ENTREP2: variants seen among roughly 807,000 people sequenced by gnomAD.
ENTREP2 encodes the protein protein ENTREP2.
the ENTREP2 span, among the ~76,000 whole-genome samples, chr15:29,554,243 G>A: frequency 1.3e-5 from 2 of 150,536 alleles, no homozygotes; most frequent in Non-Finnish European, 3.0e-5. Flanking sequence ...GAACCCAGGA[G>A]GCAGAAGGTT....
the ENTREP2 span, among the ~76,000 whole-genome samples, chr15:29,651,132 A>G: frequency 1.3e-5 from 2 of 152,212 alleles, no homozygotes; most frequent in African/African-American, 4.8e-5. Context: ...TACAGATTGT[A>G]ACCTTATGAA....
chr15:29,673,081 C>G, the ENTREP2 span, among the ~76,000 whole-genome samples: 1 of 152,048 alleles, frequency 6.6e-6, no homozygotes. Context: ...AACTTCTGGA[C>G]GTTGCCATGG....
At chr15:29,553,039 T>C in the ENTREP2 span, among the ~76,000 whole-genome samples, 1 of 152,242 alleles carries the variant, frequency 6.6e-6, no homozygotes, top group African/African-American at 2.4e-5. Flanking sequence ...CTCACGCCTG[T>C]AATCCCAACA....
the ENTREP2 span, among the ~76,000 whole-genome samples, chr15:29,397,733 G>C: frequency 6.6e-6 from 1 of 152,174 alleles, no homozygotes; most frequent in Non-Finnish European, 1.5e-5. Context: ...TCAAACAGCT[G>C]TAGGCAAAGT....
At chr15:29,542,935 A>G in the ENTREP2 span, among the ~76,000 whole-genome samples, 1 of 152,208 alleles carries the variant, frequency 6.6e-6, no homozygotes, top group Admixed American at 6.5e-5. Context: ...ATAGTATTCC[A>G]TGGTATGGAG....
At chr15:29,530,284 G>T in the ENTREP2 span, among the ~76,000 whole-genome samples, 1 of 152,122 alleles carries the variant, frequency 6.6e-6, no homozygotes, top group Non-Finnish European at 1.5e-5. Flanking sequence ...GAATCTGTGC[G>T]GGTGCTGGGT....
chr15:29,451,882 G>C, the ENTREP2 span, among the ~76,000 whole-genome samples: 2 of 152,232 alleles, frequency 1.3e-5, no homozygotes, highest in Non-Finnish European at 2.9e-5. Context: ...AGACCTCTGC[G>C]AAGAATCCTG....
At chr15:29,396,885 G>T in the ENTREP2 span, among the ~76,000 whole-genome samples, 2 of 152,148 alleles carry the variant, frequency 1.3e-5, no homozygotes, top group African/African-American at 4.8e-5. Context: ...TACAAGGAGT[G>T]ACATAGTAAC....
the ENTREP2 span, among the ~76,000 whole-genome samples, chr15:29,236,425 C>T: frequency 4.0e-5 from 6 of 151,810 alleles, no homozygotes; most frequent in East Asian, 1.9e-4. Flanking sequence ...ATGGGAGGAT[C>T]GCTGGATTCC....
the ENTREP2 span, among the ~76,000 whole-genome samples, chr15:29,485,023 C>T: frequency 6.6e-6 from 1 of 152,162 alleles, no homozygotes; most frequent in Non-Finnish European, 1.5e-5. Context: ...CAAAAGCATA[C>T]TTTGTTGGCA....
At chr15:29,549,691 G>GC in the ENTREP2 span, among the ~76,000 whole-genome samples, 9 of 152,118 alleles carry the variant, frequency 5.9e-5, no homozygotes, top group African/African-American at 2.2e-4. Flanking sequence ...CTTCTGCTCT[G>GC]CCCAGTTCAT....
the ENTREP2 span, among the ~76,000 whole-genome samples, chr15:29,472,472 C>CACACACACACAT: frequency 2.5e-5 from 3 of 120,690 alleles, no homozygotes; most frequent in Non-Finnish European, 5.2e-5. Context: ...CACACACACA[C>CACACACACACAT]ATATAAATTT....
the ENTREP2 span, chr15:29,123,405 A>G: frequency 6.5e-7 from 1 of 1,549,434 alleles, no homozygotes; most frequent in Non-Finnish European, 8.7e-7. Flanking sequence ...CGTTGGTGAC[A>G]GCCAAGCGCA....
chr15:29,598,316 G>A, the ENTREP2 span, among the ~76,000 whole-genome samples: 3 of 152,148 alleles, frequency 2.0e-5, no homozygotes, highest in African/African-American at 7.2e-5. Flanking sequence ...CATTATTGTG[G>A]TGATTTGCAA....
chr15:29,393,344 C>T, the ENTREP2 span, among the ~76,000 whole-genome samples: 122 of 152,296 alleles, frequency 8.0e-4, no homozygotes, highest in African/African-American at 2.8e-3. Context: ...GCTCAAGGGC[C>T]TCAGCTCACA....
At chr15:29,203,413 CA>C in the ENTREP2 span, among the ~76,000 whole-genome samples, 1 of 152,096 alleles carries the variant, frequency 6.6e-6, no homozygotes, top group African/African-American at 2.4e-5. Context: ...AAAACAACAA[CA>C]ACAACAAAAT....
At chr15:29,597,370 A>G in the ENTREP2 span, among the ~76,000 whole-genome samples, 1 of 151,882 alleles carries the variant, frequency 6.6e-6, no homozygotes. Flanking sequence ...GGAGTTCGAG[A>G]CCAGCCTGGC....
At chr15:29,501,256 T>C in the ENTREP2 span, among the ~76,000 whole-genome samples, 1 of 139,514 alleles carries the variant, frequency 7.2e-6, no homozygotes, top group South Asian at 2.4e-4. Context: ...CCGTTGTGAC[T>C]ACAGATGCAA....
At chr15:29,204,156 C>T in the ENTREP2 span, among the ~76,000 whole-genome samples, 1 of 152,174 alleles carries the variant, frequency 6.6e-6, no homozygotes, top group Non-Finnish European at 1.5e-5. Context: ...GAGTACCCCT[C>T]AGTGTTCGGG....
Sources: gnomAD v4.1 joint callset for allele counts (sites outside exome capture counted in the v4.1 genomes callset) on GRCh38, gnomAD v4.1.1 for gene constraint, MANE v1.5 for transcripts, NCBI Gene and HGNC (gene_info 2026-07-23, HGNC 2026-07-21) for gene names.